Variants in TRIM44 observed in about 807,000 individuals in gnomAD.
The protein encoded by TRIM44 is tripartite motif containing 44.
Under a neutral mutation model 37.4 loss-of-function variants are expected in TRIM44, and 13 were observed. That is an observed-to-expected ratio of 0.35 (90% CI 0.23 to 0.55). TRIM44 has a LOEUF of 0.55. Among genes scored for constraint, TRIM44 ranks in the 20% least tolerant of loss-of-function variants. TRIM44 has a pLI of 0.89. For synonymous variants in TRIM44, 175 were observed against 157.2 expected (o/e 1.11, Z -0.85); for missense variants, 426 against 437.2 (o/e 0.97, Z 0.23).
intron 2 of TRIM44, among the ~76,000 whole-genome samples, chr11:35,685,749 C>T (rs1033395496): frequency 5.9e-5 from 9 of 152,072 alleles, no homozygotes; most frequent in East Asian, 1.9e-4. Flanking sequence ...CTACAGCCTC[C>T]GCCTGCCGGG....
At chr11:35,670,713 T>G (rs1025959226) in intron 1 of TRIM44, among the ~76,000 whole-genome samples, 4 of 152,220 alleles carry the variant, frequency 2.6e-5, no homozygotes, top group Admixed American at 6.5e-5. Context: ...TCTCTGGATC[T>G]TTTTGGGAAT....
intron 4 of TRIM44, among the ~76,000 whole-genome samples, chr11:35,764,946 A>C (rs1368197705): frequency 1.3e-5 from 2 of 152,254 alleles, no homozygotes; most frequent in East Asian, 3.9e-4. Flanking sequence ...CCTCCTTCTC[A>C]TACCCATCCC....
chr11:35,701,197 C>T (rs1163785699), intron 2 of TRIM44, among the ~76,000 whole-genome samples: 3 of 152,112 alleles, frequency 2.0e-5, no homozygotes, highest in Non-Finnish European at 4.4e-5. Context: ...GGAACAGAGC[C>T]TTAGATTTTG....
chr11:35,710,285 C>G (rs1409605662), intron 2 of TRIM44, among the ~76,000 whole-genome samples: 2 of 152,088 alleles, frequency 1.3e-5, no homozygotes, highest in African/African-American at 4.8e-5. Context: ...CCTTTTTCAC[C>G]TAAGGTTATC....
rs1320603477 is a variant in TRIM44, at chr11:35,780,812, G to A, written c.1008-25546G>A. On this transcript the variant is annotated intron_variant, in intron 4 of 4. Transcript: ENST00000299413. ...AAACTTAAGGCAATCAAAATGGATC[G>A]ACTCAGTGAACACATGCTGCCTTCT... Among the ~76,000 whole-genome samples, 4 of 126,892 alleles carry A rather than the reference G, an allele frequency of 3.2e-5. 1 individual carries two copies. The highest frequency in any genetic ancestry group is 4.6e-5 in the Non-Finnish European group (3 of 64,770). 83.2% of individuals were successfully genotyped at this position (126,892 alleles called of 152,430 possible).
At chr11:35,696,926 A>G (rs1269587214) in intron 2 of TRIM44, among the ~76,000 whole-genome samples, 1 of 152,172 alleles carries the variant, frequency 6.6e-6, no homozygotes, top group African/African-American at 2.4e-5. Context: ...TTAATATTAC[A>G]TGAAAATCTT....
At chr11:35,776,616 A>T (rs200125100) in intron 4 of TRIM44, among the ~76,000 whole-genome samples, 178 of 152,280 alleles carry the variant, frequency 1.2e-3, no homozygotes, top group East Asian at 6.9e-3. Context: ...ATTTCCCTCT[A>T]CACACTGCTT....
chr11:35,663,926 G>GT, intron 1 of TRIM44, 146 bp downstream of exon 1: 1 of 916,544 alleles, frequency 1.1e-6, no homozygotes, highest in Middle Eastern at 2.5e-4. Context: ...CTTATTCACC[G>GT]TTTTTGGTTG....
At chr11:35,792,103 ACACACACACT>A (rs59906966) in intron 4 of TRIM44, among the ~76,000 whole-genome samples, 15,269 of 113,370 alleles carry the variant, frequency 0.13, 874 homozygotes, top group Non-Finnish European at 0.17. Flanking sequence ...ACACACACAC[ACACACACACT>A]CTCTCTCATC....
intron 4 of TRIM44, among the ~76,000 whole-genome samples, chr11:35,766,079 T>C (rs1852795305): frequency 6.6e-6 from 1 of 152,188 alleles, no homozygotes; most frequent in Non-Finnish European, 1.5e-5. Flanking sequence ...TTTTTCTCTT[T>C]CTCCTTTTTG....
At chr11:35,776,462 G>A (rs1737705640) in intron 4 of TRIM44, among the ~76,000 whole-genome samples, 1 of 152,116 alleles carries the variant, frequency 6.6e-6, no homozygotes, top group Non-Finnish European at 1.5e-5. Context: ...ATCTCCTTCA[G>A]TTCTGTTCTG....
At chr11:35,795,917 T>C (rs1452395639) in intron 4 of TRIM44, among the ~76,000 whole-genome samples, 1 of 152,230 alleles carries the variant, frequency 6.6e-6, no homozygotes, top group Non-Finnish European at 1.5e-5. Context: ...GCTCTTTATA[T>C]ATCTGCCAAC....
chr11:35,760,453 G>A (rs548101428), intron 4 of TRIM44, among the ~76,000 whole-genome samples: 5 of 152,178 alleles, frequency 3.3e-5, no homozygotes, highest in East Asian at 3.9e-4. Context: ...CAGGTGAGGC[G>A]ATGCCTCGCC....
Position 35,814,405 on chromosome 11 carries a change from A to G in TRIM44, c.*8020A>G, listed in dbSNP as rs1244467256. 5 of 152,228 alleles carry G rather than the reference A, an allele frequency of 3.3e-5. No homozygotes were observed. Among genetic ancestry groups the G allele is most frequent in the African/African-American group, 1.2e-4 (5 of 41,454 alleles). The allele number at this position is 152,228 out of a possible 1,614,324, so 9.4% of individuals were successfully genotyped here. The stretch of plus-strand genomic sequence containing the variant: ...ACCTTAATCCATGTTGGAGCCATCA[A>G]TCAAAGAATTGCTTGCATCTAATAA... On this transcript the variant is annotated 3_prime_UTR_variant, in exon 5 of 5. Transcript: ENST00000299413.
chr11:35,770,602 G>T (rs563730003), intron 4 of TRIM44, among the ~76,000 whole-genome samples: 1 of 152,038 alleles, frequency 6.6e-6, no homozygotes, highest in South Asian at 2.1e-4. Context: ...GGTGTGAGAT[G>T]GTATCTCATT....
At chr11:35,762,736 T>C (rs117668610) in intron 4 of TRIM44, among the ~76,000 whole-genome samples, 2,932 of 152,288 alleles carry the variant, frequency 0.019, 49 homozygotes, top group Non-Finnish European at 0.026. Flanking sequence ...AATTTTGGCT[T>C]TGGGGTTAGA....
intron 1 of TRIM44, among the ~76,000 whole-genome samples, chr11:35,678,720 T>C (rs1025206836): frequency 3.3e-5 from 5 of 151,962 alleles, no homozygotes; most frequent in African/African-American, 1.2e-4. Context: ...GTGATTCTCA[T>C]GTCTCAGCTA....
intron 2 of TRIM44, among the ~76,000 whole-genome samples, chr11:35,703,467 TCCCTGAC>T (rs1471200504): frequency 6.6e-6 from 1 of 152,156 alleles, no homozygotes; most frequent in Non-Finnish European, 1.5e-5. Flanking sequence ...CTCAAGTGGG[TCCCTGAC>T]CCCTGACCCC....
At chr11:35,706,643 C>T (rs1193333928) in intron 2 of TRIM44, among the ~76,000 whole-genome samples, 1 of 152,068 alleles carries the variant, frequency 6.6e-6, no homozygotes, top group Admixed American at 6.5e-5. Context: ...AGCATATAAA[C>T]AGAACCAAAG....
Sources: gnomAD v4.1 joint callset for allele counts (sites outside exome capture counted in the v4.1 genomes callset) on GRCh38, gnomAD v4.1.1 for gene constraint, MANE v1.5 for transcripts, NCBI Gene and HGNC (gene_info 2026-07-23, HGNC 2026-07-21) for gene names.